Variants in ANKH observed in about 807,000 individuals in gnomAD.
ANKH encodes the protein ANKH inorganic pyrophosphate transport regulator, also known as mineralization regulator ANKH.
A neutral mutation model predicts 49.0 loss-of-function variants in ANKH; 15 were observed. The observed-to-expected ratio is 0.31, with a 90% CI of 0.20 to 0.47. The LOEUF (loss-of-function observed/expected upper bound fraction) is 0.47, where lower values mean the gene tolerates loss of function less well. ANKH is among the 20% of genes least tolerant of loss of function. The pLI, the probability that ANKH is intolerant of heterozygous loss-of-function variation, is 1.00. For missense variants in ANKH, 429 were observed against 652.0 expected (o/e 0.66, Z 3.72); for synonymous variants, 273 against 260.0 (o/e 1.05, Z -0.48).
chr5:14,761,973 C>T (rs1327408685), intron 2 of ANKH, among the ~76,000 whole-genome samples: 1 of 152,072 alleles, frequency 6.6e-6, no homozygotes, highest in Non-Finnish European at 1.5e-5. Context: ...CCATGTTGGC[C>T]AGGCTGGTCT....
intron 2 of ANKH, among the ~76,000 whole-genome samples, chr5:14,766,539 T>C (rs1739263673): frequency 6.6e-6 from 1 of 152,192 alleles, no homozygotes; most frequent in African/African-American, 2.4e-5. Context: ...TGCTCTCACA[T>C]GTTGAAAATA....
At chr5:14,777,471 C>T (rs771479449) in intron 1 of ANKH, among the ~76,000 whole-genome samples, 7 of 152,146 alleles carry the variant, frequency 4.6e-5, no homozygotes, top group South Asian at 2.1e-4. Flanking sequence ...ATAACCTCCA[C>T]GGAAATGTTT....
At chr5:14,726,407 G>T (rs1338476723) in intron 8 of ANKH, among the ~76,000 whole-genome samples, 1 of 152,178 alleles carries the variant, frequency 6.6e-6, no homozygotes, top group Non-Finnish European at 1.5e-5. Context: ...GTTGTGGGTG[G>T]AGGAGAGGCA....
At chr5:14,761,843 G>T (rs997488736) in intron 2 of ANKH, among the ~76,000 whole-genome samples, 2 of 151,158 alleles carry the variant, frequency 1.3e-5, no homozygotes, top group Non-Finnish European at 2.9e-5. Flanking sequence ...TCAGCTCACT[G>T]CAACCTCCAC....
intron 1 of ANKH, among the ~76,000 whole-genome samples, chr5:14,804,043 G>A (rs369768235): frequency 3.3e-5 from 5 of 152,024 alleles, no homozygotes; most frequent in South Asian, 2.1e-4. Flanking sequence ...TTACAGGTGC[G>A]TGCCACCATG....
At chr5:14,738,471 G>A (rs1005515580) in intron 8 of ANKH, among the ~76,000 whole-genome samples, 39 of 152,194 alleles carry the variant, frequency 2.6e-4, no homozygotes, top group East Asian at 7.7e-4. Context: ...GTGGGAAAGC[G>A]TGCTAACGTT....
rs576015590 is a variant in ANKH, at chr5:14,746,043, C to T, written c.823-81G>A. ...AGCTACAGTAGGTGACGAAGCACGC[C>T]GACTCAGGTGCAGCCACTGAGGACA... is the stretch of plus-strand genomic sequence containing the variant. On this transcript the variant is annotated intron_variant, in intron 6 of 11. Transcript: ENST00000284268. 1.5e-4 allele frequency: 164 copies of T among 1,129,080 alleles called. No homozygotes were observed. The South Asian group carries it at 1.9e-3, about 13-fold the overall frequency. 69.9% of individuals were successfully genotyped at this position (1,129,080 alleles called of 1,614,324 possible). A position where few individuals can be genotyped will look rare whatever the true frequency, so the allele number is the denominator to read the frequency against.
At chr5:14,724,767 C>G (rs1429560980) in intron 8 of ANKH, among the ~76,000 whole-genome samples, 1 of 152,146 alleles carries the variant, frequency 6.6e-6, no homozygotes, top group Admixed American at 6.5e-5. Context: ...CAGAAACATG[C>G]CAACCAGGCC....
At chr5:14,855,755 T>C (rs1735219703) in intron 1 of ANKH, among the ~76,000 whole-genome samples, 1 of 151,506 alleles carries the variant, frequency 6.6e-6, no homozygotes, top group Admixed American at 6.6e-5. Flanking sequence ...CATACGTTAC[T>C]TAAATATTAG....
intron 1 of ANKH, among the ~76,000 whole-genome samples, chr5:14,784,040 C>A (rs1372193426): frequency 6.6e-6 from 1 of 152,260 alleles, no homozygotes; most frequent in Non-Finnish European, 1.5e-5. Flanking sequence ...CTGGTAGAGG[C>A]TGCAGCATCA....
chr5:14,793,037 A>AATATATATATATATAT (rs1267380844), intron 1 of ANKH, among the ~76,000 whole-genome samples: 4 of 56,204 alleles, frequency 7.1e-5, no homozygotes, highest in East Asian at 4.2e-4. Flanking sequence ...TATATATAAA[A>AATATATATATATATAT]ATATATATAT....
chr5:14,847,917 C>A (rs1245803544), intron 1 of ANKH, among the ~76,000 whole-genome samples: 1 of 152,072 alleles, frequency 6.6e-6, no homozygotes, highest in Non-Finnish European at 1.5e-5. Flanking sequence ...CTGAGGTGGG[C>A]GGATAACTTG....
intron 1 of ANKH, among the ~76,000 whole-genome samples, chr5:14,837,918 G>C (rs1450220653): frequency 6.6e-6 from 1 of 152,196 alleles, no homozygotes; most frequent in East Asian, 1.9e-4. Flanking sequence ...ATATACCATG[G>C]AATACTATGC....
At chr5:14,813,401 C>T (rs1223718235) in intron 1 of ANKH, among the ~76,000 whole-genome samples, 1 of 151,934 alleles carries the variant, frequency 6.6e-6, no homozygotes, top group Non-Finnish European at 1.5e-5. Context: ...TGTGAATTGT[C>T]ATCTGAATGC....
chr5:14,745,101 C>G lies in ANKH; in HGVS notation c.915+769G>C, dbSNP rs1738489865. 6.6e-6 allele frequency among the ~76,000 whole-genome samples: 1 copy of G among 152,230 alleles called. No individual in the cohort carries two copies. The highest frequency in any genetic ancestry group is 2.1e-4 in the South Asian group (1 of 4,832). The stretch of plus-strand genomic sequence containing the variant: ...AGTGGCTGCTAGTTCTGCAGACATT[C>G]AAGGCACAACAGGTGCCCTTCACGG... On this transcript the variant is annotated intron_variant, in intron 7 of 11. Transcript: ENST00000284268. This position sits in a 1 kb window ranked among gnomAD's most constrained non-coding sequence, Gnocchi z 4.7.
At chr5:14,757,379 AG>A (rs1222857096) in intron 3 of ANKH, among the ~76,000 whole-genome samples, 1 of 149,256 alleles carries the variant, frequency 6.7e-6, no homozygotes, top group Non-Finnish European at 1.5e-5. Flanking sequence ...GCCAAAGGAA[AG>A]GGTTTACTTT....
At chr5:14,777,519 G>A (rs1035133628) in intron 1 of ANKH, among the ~76,000 whole-genome samples, 2 of 152,178 alleles carry the variant, frequency 1.3e-5, no homozygotes, top group African/African-American at 4.8e-5. Flanking sequence ...TCCCTGGTAT[G>A]AGCTGTCTAG....
chr5:14,711,107 A>G lies in ANKH; in HGVS notation c.*90T>C, dbSNP rs1439489673. ...TCATTACCAAAACAAAACAAAAAAAAGGGAACAAAATACGATGGGAGAGGG... is the reference window on the plus strand; with the variant it reads ...TCATTACCAAAACAAAACAAAAAAAGGGGAACAAAATACGATGGGAGAGGG... On this transcript the variant is annotated 3_prime_UTR_variant, in exon 12 of 12. Transcript: ENST00000284268. 18 of 1,178,600 alleles carry G rather than the reference A, an allele frequency of 1.5e-5. No homozygotes were observed. The Admixed American group carries it at 2.9e-4, about 19-fold the overall frequency. The allele number at this position is 1,178,600 out of a possible 1,614,324, so 73.0% of individuals were successfully genotyped here.
At chr5:14,778,249 C>A (rs1253317731) in intron 1 of ANKH, among the ~76,000 whole-genome samples, 1 of 152,206 alleles carries the variant, frequency 6.6e-6, no homozygotes, top group Non-Finnish European at 1.5e-5. Context: ...CTCCTGTAAA[C>A]TCCCTGCTTT....
Sources: gnomAD v4.1 joint callset for allele counts (sites outside exome capture counted in the v4.1 genomes callset) on GRCh38, gnomAD v4.1.1 for gene constraint, Gnocchi (gnomAD v3.1) non-coding constraint, MANE v1.5 for transcripts, NCBI Gene and HGNC (gene_info 2026-07-23, HGNC 2026-07-21) for gene names.